The following VWA8 variants were observed in gnomAD, a reference collection of about 807,000 sequenced individuals.
VWA8 encodes von Willebrand factor A domain-containing protein 8.
Under a neutral mutation model 241.5 loss-of-function variants are expected in VWA8, and 221 were observed. The observed-to-expected ratio is 0.91, with a 90% CI of 0.82 to 1.02. VWA8 has a LOEUF of 1.02. Ranked by LOEUF, VWA8 falls within the 50% of genes least tolerant of loss-of-function variation. The pLI is 0.00. For synonymous variants in VWA8, 852 were observed against 827.1 expected, an observed-to-expected ratio of 1.03 and a Z score of -0.52; for missense variants, 2,322 against 2,328.7, an observed-to-expected ratio of 1.00 and a Z score of 0.06.
chr13:41,752,548 TACAGTGAATA>T (rs2045664175), intron 21 of VWA8, among the ~76,000 whole-genome samples: 1 of 152,120 alleles, frequency 6.6e-6, no homozygotes. Flanking sequence ...TGAATTAACA[TACAGTGAATA>T]AACCAGGTTC....
rs764324144 is a variant in VWA8, at chr13:41,868,387, A to C, written c.1171T>G (p.Ser391Ala). 1.9e-6 allele frequency: 3 copies of C among 1,614,140 alleles called. No individual in the cohort carries two copies. Among genetic ancestry groups the C allele is most frequent in the Non-Finnish European group, 2.5e-6 (3 of 1,180,012 alleles). The change falls in exon 10 of 45, where the codon TCT becomes GCT. Residue 391 changes from serine (S) to alanine (A), a missense_variant. Coordinates refer to ENST00000379310, the MANE Select transcript of VWA8 (RefSeq NM_015058.2). ...KMMENHVSQA[S>A]VTIRIADKEV... is the part of the protein sequence containing the mutation. ...TTATCTGCAATCCGGATGGTCACAGAAGCTTGGGACACATGGTTTTCCATC... is the reference window on the plus strand; with the variant it reads ...TTATCTGCAATCCGGATGGTCACAGCAGCTTGGGACACATGGTTTTCCATC...
chr13:41,843,307 C>T (rs1305348052), intron 12 of VWA8, among the ~76,000 whole-genome samples: 1 of 152,090 alleles, frequency 6.6e-6, no homozygotes, highest in Non-Finnish European at 1.5e-5. Context: ...ATGTTAGACT[C>T]CCTTAGAAAA....
rs140177608 is a variant in VWA8, at chr13:41,863,395, T to TTGTG, written c.1425+2337_1425+2340dup. Reference sequence around the variant, plus strand: ...ATATGTGTGTGTGTGTATCTCCTATTTGTGTGTGTGTGTGTGTGTGTGTGT... The same window carrying TTGTG: ...ATATGTGTGTGTGTGTATCTCCTATTTGTGTGTGTGTGTGTGTGTGTGTGTGTGT... On this transcript the variant is annotated intron_variant, in intron 12 of 44. Transcript: ENST00000379310. 2.2e-3 allele frequency among the ~76,000 whole-genome samples: 198 copies of TTGTG among 90,068 alleles called. 5 individuals carry two copies. The highest frequency in any genetic ancestry group is 2.1e-3 in the Non-Finnish European group (89 of 42,962). 59.1% of individuals were successfully genotyped at this position (90,068 alleles called of 152,430 possible).
chr13:41,789,949 G>C (rs1311815105), intron 17 of VWA8, among the ~76,000 whole-genome samples: 1 of 152,016 alleles, frequency 6.6e-6, no homozygotes, highest in Non-Finnish European at 1.5e-5. Flanking sequence ...GGTTTTGTTT[G>C]TTCATTGAGA....
rs112297676 is a variant in VWA8, at chr13:41,787,607, T to TACACACACACACACAC, written c.2064-80_2064-65dup. On this transcript the variant is annotated intron_variant, in intron 17 of 44. Coordinates refer to ENST00000379310, the MANE Select transcript of VWA8 (RefSeq NM_015058.2). ...GTCAAAGCTTTCTGCGATTCTTAAATACACACACACACACACACACACACA... is the reference window on the plus strand; with the variant it reads ...GTCAAAGCTTTCTGCGATTCTTAAATACACACACACACACACACACACACACACACACACACACACA... 1.8e-4 allele frequency: 111 copies of TACACACACACACACAC among 604,132 alleles called. No individual in the cohort carries two copies. In the African/African-American group the frequency reaches 1.9e-3, roughly 10 times the overall value. 37.4% of individuals were successfully genotyped at this position (604,132 alleles called of 1,614,324 possible).
At chr13:41,848,506 A>G (rs765993998) in intron 12 of VWA8, among the ~76,000 whole-genome samples, 1 of 152,058 alleles carries the variant, frequency 6.6e-6, no homozygotes, top group Non-Finnish European at 1.5e-5. Flanking sequence ...GGTTTCCCCT[A>G]TGCTGTTCTT....
At chr13:41,786,592 CAAT>C (rs1036850098) in intron 18 of VWA8, among the ~76,000 whole-genome samples, 1 of 152,070 alleles carries the variant, frequency 6.6e-6, no homozygotes, top group African/African-American at 2.4e-5. Flanking sequence ...ATTGAGAATA[CAAT>C]ATTATTCCTT....
intron 42 of VWA8, among the ~76,000 whole-genome samples, chr13:41,582,493 T>A (rs1399723944): frequency 2.6e-5 from 4 of 152,160 alleles, no homozygotes; most frequent in Non-Finnish European, 5.9e-5. Flanking sequence ...CATTAAGAAC[T>A]GTCTGGAACT....
chr13:41,824,292 G>A (rs1378980766), intron 14 of VWA8, among the ~76,000 whole-genome samples: 1 of 152,000 alleles, frequency 6.6e-6, no homozygotes, highest in African/African-American at 2.4e-5. Flanking sequence ...CACTGTAGGC[G>A]ATGGAAACCA....
chr13:41,836,039 G>A (rs1871711450), intron 12 of VWA8, among the ~76,000 whole-genome samples: 1 of 151,990 alleles, frequency 6.6e-6, no homozygotes, highest in Non-Finnish European at 1.5e-5. Flanking sequence ...GCCAACATGG[G>A]GCCTACCATC....
intron 32 of VWA8, among the ~76,000 whole-genome samples, chr13:41,690,559 T>C (rs1170410222): frequency 1.3e-5 from 2 of 152,114 alleles, no homozygotes; most frequent in Non-Finnish European, 2.9e-5. Context: ...TGCACTCTTA[T>C]TATCATGTAA....
chr13:41,958,268 C>A (rs71427499), intron 1 of VWA8, among the ~76,000 whole-genome samples: 1 of 152,188 alleles, frequency 6.6e-6, no homozygotes, highest in Admixed American at 6.5e-5. Context: ...CTCTCCTGCT[C>A]CTTCTCTGTA....
At chr13:41,732,415 C>T (rs935755421) in intron 21 of VWA8, among the ~76,000 whole-genome samples, 1 of 151,814 alleles carries the variant, frequency 6.6e-6, no homozygotes, top group African/African-American at 2.4e-5. Flanking sequence ...GTTTTTCTTT[C>T]TGGTAATATG....
chr13:41,862,895 T>A (rs1216765344), intron 12 of VWA8, among the ~76,000 whole-genome samples: 1 of 152,200 alleles, frequency 6.6e-6, no homozygotes, highest in Non-Finnish European at 1.5e-5. Flanking sequence ...AAAACAGAAC[T>A]ACCATTTGAC....
chr13:41,948,900 T>C (rs1416207504), intron 2 of VWA8, among the ~76,000 whole-genome samples: 1 of 151,908 alleles, frequency 6.6e-6, no homozygotes, highest in Admixed American at 6.6e-5. Context: ...AACAAACTGA[T>C]AGGTACAGCA....
chr13:41,675,669 A>G (rs2137803204), intron 35 of VWA8, among the ~76,000 whole-genome samples: 1 of 152,214 alleles, frequency 6.6e-6, no homozygotes, highest in Middle Eastern at 3.4e-3. Flanking sequence ...CTCTAATTAG[A>G]CTGACCTGGT....
At chr13:41,756,268 C>G (rs1035593241) in intron 21 of VWA8, among the ~76,000 whole-genome samples, 1 of 151,708 alleles carries the variant, frequency 6.6e-6, no homozygotes, top group Middle Eastern at 3.2e-3. Context: ...AAAAAGCCTG[C>G]TTATAAAGAT....
At chr13:41,572,973 G>A (rs1214107925) in intron 43 of VWA8, among the ~76,000 whole-genome samples, 1 of 151,442 alleles carries the variant, frequency 6.6e-6, no homozygotes, top group African/African-American at 2.4e-5. Context: ...GCTGGGTATG[G>A]TGACATGCGC....
At chr13:41,742,915 T>A (rs745795353) in intron 21 of VWA8, among the ~76,000 whole-genome samples, 4 of 152,194 alleles carry the variant, frequency 2.6e-5, no homozygotes, top group South Asian at 2.1e-4. Context: ...GGAATCAACA[T>A]CTGCTTGTGG....
Sources: allele counts gnomAD v4.1 joint callset (sites outside exome capture counted in the v4.1 genomes callset), GRCh38; gene constraint gnomAD v4.1.1; transcripts MANE v1.5; gene names NCBI Gene and HGNC (gene_info 2026-07-23, HGNC 2026-07-21).